Variants in SPATS2 observed in about 807,000 individuals in gnomAD.
SPATS2 encodes the protein spermatogenesis associated serine rich 2.
SPATS2 carries 38 observed loss-of-function variants against 63.7 expected under a neutral mutation model. The ratio of observed to expected loss-of-function variants is 0.60; its 90% confidence interval spans 0.46 to 0.78. SPATS2 has a LOEUF of 0.78. Among genes scored for constraint, SPATS2 ranks in the 30% least tolerant of loss-of-function variants. The pLI is 0.00. For missense variants in SPATS2, 588 were observed against 666.2 expected, an observed-to-expected ratio of 0.88 and a Z score of 1.29; for synonymous variants, 207 against 232.9, an observed-to-expected ratio of 0.89 and a Z score of 1.01.
chr12:49,476,876 C>T (rs1042671112), intron 3 of SPATS2, among the ~76,000 whole-genome samples: 9 of 152,168 alleles, frequency 5.9e-5, no homozygotes, highest in Non-Finnish European at 1.3e-4. Context: ...GAGGCCGAGG[C>T]GGGCGGATCG....
intron 2 of SPATS2, among the ~76,000 whole-genome samples, chr12:49,446,937 T>C (rs1012473111): frequency 2.0e-5 from 3 of 151,784 alleles, no homozygotes; most frequent in Non-Finnish European, 4.4e-5. Context: ...CTTTTCTTTT[T>C]TTTTTTTTTG....
chr12:49,487,209 A>G (rs1020320699), intron 4 of SPATS2, among the ~76,000 whole-genome samples: 11 of 152,152 alleles, frequency 7.2e-5, no homozygotes, highest in Admixed American at 5.2e-4. Context: ...CAGTGGGGCC[A>G]GGCGCGATGG....
chr12:49,378,733 C>T (rs1944156375), intron 2 of SPATS2, among the ~76,000 whole-genome samples: 1 of 151,934 alleles, frequency 6.6e-6, no homozygotes, highest in Non-Finnish European at 1.5e-5. Context: ...GTAGCTGGGA[C>T]TACAGGTGGA....
intron 4 of SPATS2, among the ~76,000 whole-genome samples, chr12:49,485,980 A>G (rs1027115493): frequency 2.0e-5 from 3 of 151,188 alleles, no homozygotes; most frequent in Non-Finnish European, 4.4e-5. Flanking sequence ...GCTGGTCTCA[A>G]ACTCCTGACC....
chr12:49,413,275 G>A (rs1399729446), intron 2 of SPATS2, among the ~76,000 whole-genome samples: 1 of 152,102 alleles, frequency 6.6e-6, no homozygotes, highest in African/African-American at 2.4e-5. Context: ...AGTTCAAATA[G>A]GCAGGGGATG....
intron 2 of SPATS2, among the ~76,000 whole-genome samples, chr12:49,437,700 GCGCC>G (rs1019622389): frequency 1.1e-4 from 17 of 152,324 alleles, no homozygotes; most frequent in African/African-American, 4.1e-4. Flanking sequence ...ATGGCGGCGC[GCGCC>G]TGCAATCGCA....
At chr12:49,389,489 G>T (rs955801482) in intron 2 of SPATS2, 1 of 816,246 alleles carries the variant, frequency 1.2e-6, no homozygotes, top group East Asian at 2.4e-5. Flanking sequence ...GGCTGCGAGG[G>T]ACTAAGAGCA....
chr12:49,505,438 G>A (rs1045307877), intron 9 of SPATS2, among the ~76,000 whole-genome samples: 4 of 152,038 alleles, frequency 2.6e-5, no homozygotes, highest in Non-Finnish European at 5.9e-5. Context: ...AAATGCTTAG[G>A]ACTAGAAATG....
chr12:49,467,070 T>TTTTTGTG (rs1945932518), intron 3 of SPATS2, among the ~76,000 whole-genome samples: 1 of 136,820 alleles, frequency 7.3e-6, no homozygotes. Context: ...TTTTTTTTTT[T>TTTTTGTG]GATGGAGTCT....
chr12:49,405,258 T>TG (rs1246937757), intron 2 of SPATS2, among the ~76,000 whole-genome samples: 1 of 152,174 alleles, frequency 6.6e-6, no homozygotes, highest in East Asian at 1.9e-4. Context: ...TTTCCAGAGA[T>TG]GTTGGTAACA....
At chr12:49,483,321 T>C (rs1011980425) in intron 3 of SPATS2, among the ~76,000 whole-genome samples, 1 of 151,806 alleles carries the variant, frequency 6.6e-6, no homozygotes, top group African/African-American at 2.4e-5. Context: ...CATTAAAACA[T>C]TCGAGTTATA....
intron 2 of SPATS2, among the ~76,000 whole-genome samples, chr12:49,385,398 CAGAGAT>C (rs1944297388): frequency 2.4e-5 from 3 of 123,322 alleles, no homozygotes; most frequent in Admixed American, 7.6e-5. Flanking sequence ...GTGGCAGAGA[CAGAGAT>C]AGAGACAGAG....
chr12:49,522,848 G>A lies in SPATS2; in HGVS notation c.1106G>A (p.Gly369Glu). The change falls in exon 12 of 14, where the codon GGA becomes GAA. Residue 369 changes from glycine (G) to glutamate (E), a missense_variant. Gly to Glu is a moderately conservative substitution (Grantham distance 98). Transcript: ENST00000552918. ...CTAAAGAAGAGCATTGATTCATTTG[G>A]ACAAGGTGAGATGGTGAGAGGGTCT... ...ETLKKSIDSF[G>E]QVSHPKNSYS... 1 of 1,612,834 alleles carries A rather than the reference G, an allele frequency of 6.2e-7. No individual in the cohort carries two copies. Among genetic ancestry groups the A allele is most frequent in the Non-Finnish European group, 8.5e-7 (1 of 1,179,124 alleles).
At chr12:49,490,660 C>T (rs1156604565) in intron 5 of SPATS2, 22 bp from the exon 6 acceptor site, 1 of 1,612,768 alleles carries the variant, frequency 6.2e-7, no homozygotes, top group Non-Finnish European at 8.5e-7. Context: ...GAGACAAAAT[C>T]TGTAATTGGT....
At chr12:49,458,199 T>G (rs1285483245) in intron 2 of SPATS2, among the ~76,000 whole-genome samples, 6 of 152,182 alleles carry the variant, frequency 3.9e-5, no homozygotes, top group Non-Finnish European at 8.8e-5. Context: ...CCAGGCATGG[T>G]GGCTCATGCC....
intron 2 of SPATS2, among the ~76,000 whole-genome samples, chr12:49,431,358 C>T (rs1200041439): frequency 6.6e-6 from 1 of 152,024 alleles, no homozygotes; most frequent in Non-Finnish European, 1.5e-5. Context: ...AAGTGATTCT[C>T]CTGCCCTGGC....
chr12:49,516,159 AAAAAAAAATATAT>A (rs1314451765), intron 10 of SPATS2, among the ~76,000 whole-genome samples: 40 of 31,444 alleles, frequency 1.3e-3, no homozygotes, highest in Admixed American at 4.1e-3. Flanking sequence ...AAAAAAAAAA[AAAAAAAAATATAT>A]ATATATATAT....
chr12:49,400,518 A>G (rs1314476381), intron 2 of SPATS2, among the ~76,000 whole-genome samples: 1 of 152,138 alleles, frequency 6.6e-6, no homozygotes, highest in Admixed American at 6.6e-5. Context: ...AGAAAGGGGA[A>G]TGACTAGGCA....
chr12:49,522,893 T>C (rs576151947), intron 12 of SPATS2, 40 bp downstream of exon 12: 1 of 1,543,802 alleles, frequency 6.5e-7, no homozygotes, highest in East Asian at 2.3e-5. Context: ...AGGTGGTGAT[T>C]ATTAATTAGA....
Sources: allele counts gnomAD v4.1 joint callset (sites outside exome capture counted in the v4.1 genomes callset), GRCh38; gene constraint gnomAD v4.1.1; transcripts MANE v1.5; gene names NCBI Gene and HGNC (gene_info 2026-07-23, HGNC 2026-07-21).